Variants in CEP112 observed in about 807,000 individuals in gnomAD.
CEP112 encodes centrosomal protein 112.
A neutral mutation model predicts 153.0 loss-of-function variants in CEP112; 127 were observed. That is an observed-to-expected ratio of 0.83 (90% CI 0.72 to 0.96). CEP112 has a LOEUF of 0.96. Among genes scored for constraint, CEP112 ranks in the 40% least tolerant of loss-of-function variants. The pLI is 0.00. For synonymous variants in CEP112, 358 were observed against 374.4 expected, an observed-to-expected ratio of 0.96 and a Z score of 0.51; for missense variants, 1,089 against 1,101.2, an observed-to-expected ratio of 0.99 and a Z score of 0.16.
intron 23 of CEP112, among the ~76,000 whole-genome samples, chr17:65,700,350 C>T (rs1222558774): frequency 6.6e-6 from 1 of 152,110 alleles, no homozygotes; most frequent in Non-Finnish European, 1.5e-5. Context: ...CACATGAGCA[C>T]TGCTAAAAAG....
At chr17:66,149,834 T>C (rs1443697149) in intron 4 of CEP112, among the ~76,000 whole-genome samples, 6 of 150,454 alleles carry the variant, frequency 4.0e-5, no homozygotes, top group Non-Finnish European at 8.9e-5. Context: ...GTTTAGTTTG[T>C]TCTTTTTCTA....
At chr17:65,900,266 G>C (rs1335504235) in intron 20 of CEP112, among the ~76,000 whole-genome samples, 1 of 152,084 alleles carries the variant, frequency 6.6e-6, no homozygotes, top group Non-Finnish European at 1.5e-5. Context: ...TTGCTTACTG[G>C]CATTCCCTTG....
rs144084425 is a variant in CEP112, at chr17:66,169,503, A to C, written c.470+5541T>G. On this transcript the variant is annotated intron_variant, in intron 4 of 26. Transcript: ENST00000535342. ...GTTTCACCATATTGGCCAAGCTGGT[A>C]TCGAACTCCTGACCTTGTGATCCGC... Among the ~76,000 whole-genome samples, 105 of 152,064 alleles carry C rather than the reference A, an allele frequency of 6.9e-4. 2 individuals carry two copies. The East Asian group carries it at 0.019, about 28-fold the overall frequency.
At chr17:65,951,325 T>C (rs1157525433) in intron 18 of CEP112, among the ~76,000 whole-genome samples, 1 of 152,196 alleles carries the variant, frequency 6.6e-6, no homozygotes, top group Non-Finnish European at 1.5e-5. Context: ...CTTCTTTAAA[T>C]AGTTGATGTA....
chr17:66,166,735 TA>T (rs1221675148), intron 4 of CEP112, among the ~76,000 whole-genome samples: 1 of 151,706 alleles, frequency 6.6e-6, no homozygotes, highest in African/African-American at 2.4e-5. Flanking sequence ...TCGTGTCTAC[TA>T]AAAATAAAAA....
rs751737628 is a variant in CEP112 at position 66,028,434 on chromosome 17, C to T, written c.1504-29G>A. On this transcript the variant is annotated intron_variant, in intron 14 of 26. Coordinates refer to ENST00000535342, the MANE Select transcript of CEP112 (RefSeq NM_001199165.4). ...CAAGGATTTTAAGAAGAATAAAAAGCAGAATATTGATTTTTGTACCATATT... is the reference window on the plus strand; with the variant it reads ...CAAGGATTTTAAGAAGAATAAAAAGTAGAATATTGATTTTTGTACCATATT... 3.7e-6 allele frequency: 5 copies of T among 1,339,474 alleles called. No homozygotes were observed. The African/African-American group carries it at 4.4e-5, about 12-fold the overall frequency. The allele number at this position is 1,339,474 out of a possible 1,614,324, so 83.0% of individuals were successfully genotyped here.
At chr17:65,665,086 A>G (rs963676236) in intron 24 of CEP112, among the ~76,000 whole-genome samples, 1 of 152,224 alleles carries the variant, frequency 6.6e-6, no homozygotes, top group Non-Finnish European at 1.5e-5. Context: ...CTCCGATACC[A>G]TCACACTGGT....
chr17:65,882,865 G>A (rs1232133451), intron 20 of CEP112, among the ~76,000 whole-genome samples: 1 of 152,136 alleles, frequency 6.6e-6, no homozygotes, highest in Non-Finnish European at 1.5e-5. Context: ...GCTTCTCTGA[G>A]AGCACAGCAA....
At chr17:65,944,528 G>C (rs2061593330) in intron 18 of CEP112, among the ~76,000 whole-genome samples, 1 of 152,080 alleles carries the variant, frequency 6.6e-6, no homozygotes, top group South Asian at 2.1e-4. Context: ...CATAATTGTT[G>C]CAGAATATCA....
intron 25 of CEP112, among the ~76,000 whole-genome samples, chr17:65,638,897 C>CTT (rs11429563): frequency 1.3e-5 from 2 of 151,126 alleles, no homozygotes; most frequent in Non-Finnish European, 3.0e-5. Context: ...TATCAGATTC[C>CTT]TTTTTTTTTC....
intron 6 of CEP112, among the ~76,000 whole-genome samples, chr17:66,112,468 G>T (rs905144852): frequency 1.3e-5 from 2 of 151,756 alleles, no homozygotes; most frequent in Non-Finnish European, 2.9e-5. Context: ...ATCACAATGC[G>T]GTGATATTTT....
chr17:65,901,210 C>T (rs958768778), intron 20 of CEP112, among the ~76,000 whole-genome samples: 1 of 152,118 alleles, frequency 6.6e-6, no homozygotes, highest in Non-Finnish European at 1.5e-5. Flanking sequence ...GGAAGAATAA[C>T]TACAGGAAGA....
intron 23 of CEP112, among the ~76,000 whole-genome samples, chr17:65,718,911 T>C (rs2049706483): frequency 6.6e-6 from 1 of 152,116 alleles, no homozygotes; most frequent in African/African-American, 2.4e-5. Context: ...TATAAATAAT[T>C]TGCATCAGAG....
rs562516647 is a variant in CEP112 at position 66,129,516 on chromosome 17, A to G, written c.642+230T>C. On this transcript the variant is annotated intron_variant, in intron 6 of 26. Coordinates refer to ENST00000535342, the MANE Select transcript of CEP112 (RefSeq NM_001199165.4). The stretch of plus-strand genomic sequence containing the variant: ...ATTATTATTTAACTATTTTATGTGC[A>G]TATCTCTTATTTCACACATAACAAA... Among the ~76,000 whole-genome samples the G allele has an allele frequency of 2.6e-5, 4 of 152,110 alleles. No individual in the cohort carries two copies. The South Asian group carries it at 8.3e-4, about 31-fold the overall frequency.
At chr17:65,887,865 G>T (rs1229206571) in intron 20 of CEP112, among the ~76,000 whole-genome samples, 3 of 152,178 alleles carry the variant, frequency 2.0e-5, no homozygotes, top group African/African-American at 7.2e-5. Context: ...CATGGAGGGG[G>T]TGTTTCCTCT....
chr17:65,690,803 G>C (rs1210253304), intron 23 of CEP112, among the ~76,000 whole-genome samples: 1 of 152,158 alleles, frequency 6.6e-6, no homozygotes, highest in East Asian at 1.9e-4. Flanking sequence ...GACATAACAG[G>C]GTTCAAGTCA....
chr17:65,851,199 T>A (rs1482359006), intron 21 of CEP112, among the ~76,000 whole-genome samples: 2 of 152,238 alleles, frequency 1.3e-5, no homozygotes, highest in African/African-American at 4.8e-5. Flanking sequence ...ATTTAGTACC[T>A]GACTAAAATA....
At chr17:66,111,736 G>C (rs1208223942) in intron 6 of CEP112, among the ~76,000 whole-genome samples, 1 of 152,070 alleles carries the variant, frequency 6.6e-6, no homozygotes, top group Non-Finnish European at 1.5e-5. Flanking sequence ...AGGGAGAAGA[G>C]AGAAAAGGGA....
chr17:65,982,739 C>A (rs1235070100), intron 17 of CEP112, among the ~76,000 whole-genome samples: 1 of 152,178 alleles, frequency 6.6e-6, no homozygotes, highest in Non-Finnish European at 1.5e-5. Context: ...AAAATAGGTA[C>A]TCAAGCGAGT....
Sources: gnomAD v4.1 joint callset for allele counts (sites outside exome capture counted in the v4.1 genomes callset) on GRCh38, gnomAD v4.1.1 for gene constraint, MANE v1.5 for transcripts, NCBI Gene and HGNC (gene_info 2026-07-23, HGNC 2026-07-21) for gene names.